Variants in ZDHHC15 observed in about 807,000 individuals in gnomAD.
ZDHHC15 encodes the protein palmitoyltransferase ZDHHC15.
ZDHHC15 carries 19 observed loss-of-function variants against 31.7 expected under a neutral mutation model. That is an observed-to-expected ratio of 0.60 (90% CI 0.42 to 0.88). ZDHHC15 has a LOEUF of 0.88. ZDHHC15 is among the 40% of genes least tolerant of loss of function. ZDHHC15 has a pLI of 0.00. For synonymous variants in ZDHHC15, 103 were observed against 90.0 expected, an observed-to-expected ratio of 1.14 and a Z score of -0.82; for missense variants, 209 against 251.2, an observed-to-expected ratio of 0.83 and a Z score of 1.14.
chrX:75,412,534 C>A (rs910879413), intron 10 of ZDHHC15, among the ~76,000 whole-genome samples: 2 of 110,588 alleles, frequency 1.8e-5, no homozygotes. Context: ...CGGGTTCAAG[C>A]GATTCTCCTG....
intron 4 of ZDHHC15, among the ~76,000 whole-genome samples, chrX:75,433,230 T>G (rs1039631002): frequency 8.9e-6 from 1 of 111,801 alleles, no homozygotes; most frequent in Non-Finnish European, 1.9e-5. Flanking sequence ...TTGCAGTTCC[T>G]TTTGCCTGGG....
chrX:75,443,204 T>C (rs1391347834), intron 4 of ZDHHC15, among the ~76,000 whole-genome samples: 2 of 110,037 alleles, frequency 1.8e-5, no homozygotes, highest in African/African-American at 6.6e-5. Flanking sequence ...GCTACCTGAC[T>C]TCAAACTCTA....
At chrX:75,443,393 G>A (rs2083975819) in intron 4 of ZDHHC15, among the ~76,000 whole-genome samples, 1 of 111,862 alleles carries the variant, frequency 8.9e-6, no homozygotes, top group Non-Finnish European at 1.9e-5. Context: ...AACAAACGGT[G>A]TTGGGAAAAC....
chrX:75,515,350 C>T (rs771343602), intron 1 of ZDHHC15, among the ~76,000 whole-genome samples: 4 of 111,077 alleles, frequency 3.6e-5, no homozygotes, highest in African/African-American at 9.8e-5. Flanking sequence ...TACTGGCAAA[C>T]CGAATCCAGA....
chrX:75,491,825 C>T (rs1315354149), intron 2 of ZDHHC15, among the ~76,000 whole-genome samples: 1 of 111,150 alleles, frequency 9.0e-6, no homozygotes, highest in Non-Finnish European at 1.9e-5. Context: ...CAGTACCAGC[C>T]ACTGCAAAAA....
At chrX:75,476,471 T>C (rs372575577) in intron 3 of ZDHHC15, among the ~76,000 whole-genome samples, 9 of 111,205 alleles carry the variant, frequency 8.1e-5, no homozygotes, top group East Asian at 2.8e-4. Context: ...TTCCATTTCA[T>C]CTAGGTTATC....
rs1487127203 is a variant in ZDHHC15, at chrX:75,505,542, A to T, written c.163+279T>A. Among the ~76,000 whole-genome samples the T allele has an allele frequency of 2.7e-5, 3 of 110,901 alleles. No individual in the cohort carries two copies. In the East Asian group the frequency reaches 8.5e-4, roughly 31 times the overall value. On this transcript the variant is annotated intron_variant, in intron 2 of 11. Coordinates refer to ENST00000373367, the MANE Select transcript of ZDHHC15 (RefSeq NM_144969.3). ...CCTAGGACAACAGTGTTGAACAAAG[A>T]GACAGCCTAGGGTCACTATGTCAGA... is the stretch of plus-strand genomic sequence containing the variant.
At chrX:75,444,249 A>G (rs1297306342) in intron 4 of ZDHHC15, among the ~76,000 whole-genome samples, 1 of 110,265 alleles carries the variant, frequency 9.1e-6, no homozygotes, top group East Asian at 2.9e-4. Flanking sequence ...CTGGATTAAG[A>G]AAATGTGGCA....
At chrX:75,428,980 C>A in intron 7 of ZDHHC15, 98 bp downstream of exon 7, 6 of 1,092,029 alleles carry the variant, frequency 5.5e-6, no homozygotes, top group Non-Finnish European at 7.4e-6. Context: ...ACAGTATTAG[C>A]TATTTAAAAA....
At chrX:75,465,435 T>G (rs747884907) in intron 3 of ZDHHC15, among the ~76,000 whole-genome samples, 1 of 111,903 alleles carries the variant, frequency 8.9e-6, no homozygotes, top group African/African-American at 3.2e-5. Flanking sequence ...CTGGCATTCT[T>G]CAGAGAATTA....
rs138468131 is a variant in ZDHHC15 at position 75,448,273 on chromosome X, C to T, written c.379+2529G>A. Among the ~76,000 whole-genome samples, 376 of 112,017 alleles carry T rather than the reference C, an allele frequency of 3.4e-3. 3 individuals are homozygous for T. The highest frequency in any genetic ancestry group is 5.7e-3 in the Non-Finnish European group (301 of 53,169). ...TCAGAACTGGAGATTTGGGTCACCA[C>T]GTCAGGTAAAAAACCAGTACCAGCT... is the stretch of plus-strand genomic sequence containing the variant. On this transcript the variant is annotated intron_variant, in intron 4 of 11. Coordinates refer to ENST00000373367, the MANE Select transcript of ZDHHC15 (RefSeq NM_144969.3).
chrX:75,443,278 C>T (rs1259369982), intron 4 of ZDHHC15, among the ~76,000 whole-genome samples: 2 of 110,038 alleles, frequency 1.8e-5, no homozygotes, highest in South Asian at 3.9e-4. Context: ...AGTTATAGAC[C>T]AATGGAACAG....
At chrX:75,441,486 A>C (rs1386429544) in intron 4 of ZDHHC15, among the ~76,000 whole-genome samples, 1 of 111,755 alleles carries the variant, frequency 8.9e-6, no homozygotes, top group African/African-American at 3.3e-5. Flanking sequence ...CATGTTCAGA[A>C]GTGGACTTTC....
At chrX:75,500,731 A>G (rs2085075710) in intron 2 of ZDHHC15, among the ~76,000 whole-genome samples, 1 of 109,280 alleles carries the variant, frequency 9.2e-6, no homozygotes, top group Non-Finnish European at 1.9e-5. Flanking sequence ...CCTTAATTAT[A>G]AAGTAATTTT....
intron 4 of ZDHHC15, among the ~76,000 whole-genome samples, chrX:75,435,826 GTTTTTGGTACTAGGGTAATATTGGCT>G (rs2147872365): frequency 8.9e-6 from 1 of 111,732 alleles, no homozygotes; most frequent in African/African-American, 3.2e-5. Flanking sequence ...TTCTTTCCTG[GTTTTTGGTACTAGGGTAATATTGGCT>G]TCATAGAATA....
At chrX:75,504,987 G>C (rs986427030) in intron 2 of ZDHHC15, among the ~76,000 whole-genome samples, 3 of 110,855 alleles carry the variant, frequency 2.7e-5, no homozygotes, top group Non-Finnish European at 5.7e-5. Flanking sequence ...AACACAATGA[G>C]GTAAAATAAT....
At chrX:75,391,942 T>C (rs2083248372) in intron 10 of ZDHHC15, among the ~76,000 whole-genome samples, 1 of 111,819 alleles carries the variant, frequency 8.9e-6, no homozygotes, top group African/African-American at 3.2e-5. Flanking sequence ...CAAATAGACA[T>C]AAAAAAATTA....
At chrX:75,472,458 G>A (rs1389982733) in intron 3 of ZDHHC15, among the ~76,000 whole-genome samples, 1 of 112,144 alleles carries the variant, frequency 8.9e-6, no homozygotes, top group Non-Finnish European at 1.9e-5. Flanking sequence ...CTGATTCATG[G>A]GCTGTAGCCA....
chrX:75,416,400 TC>T (rs925807781), intron 10 of ZDHHC15, among the ~76,000 whole-genome samples: 2 of 112,203 alleles, frequency 1.8e-5, no homozygotes, highest in South Asian at 7.4e-4. Flanking sequence ...AAAACTACTT[TC>T]TAATGGTTGG....
Sources: gnomAD v4.1 joint callset for allele counts (sites outside exome capture counted in the v4.1 genomes callset) on GRCh38, gnomAD v4.1.1 for gene constraint, MANE v1.5 for transcripts, NCBI Gene and HGNC (gene_info 2026-07-23, HGNC 2026-07-21) for gene names.